The following PRKCB variants were observed in gnomAD, a reference collection of about 807,000 sequenced individuals.
PRKCB encodes protein kinase C beta type.
In PRKCB, 13 loss-of-function variants were observed where a neutral mutation model predicts 81.5. The observed-to-expected ratio is 0.16, with a 90% CI of 0.10 to 0.25. The LOEUF is 0.25. Ranked by LOEUF, PRKCB falls within the 10% of genes least tolerant of loss-of-function variation. The pLI is 1.00. For missense variants in PRKCB, 509 were observed against 875.7 expected, an observed-to-expected ratio of 0.58 and a Z score of 5.29; for synonymous variants, 335 against 321.4, an observed-to-expected ratio of 1.04 and a Z score of -0.45.
At chr16:23,860,626 C>T (rs1019656946) in intron 2 of PRKCB, among the ~76,000 whole-genome samples, 1 of 152,088 alleles carries the variant, frequency 6.6e-6, no homozygotes, top group Admixed American at 6.5e-5. Flanking sequence ...TGGCTCACAC[C>T]TGTAATCCCA....
chr16:23,974,360 A>G (rs1429638651), intron 2 of PRKCB, among the ~76,000 whole-genome samples: 3 of 152,130 alleles, frequency 2.0e-5, no homozygotes, highest in Non-Finnish European at 4.4e-5. Flanking sequence ...AGTCCCTTGG[A>G]TTGACAAGAT....
chr16:23,907,513 G>T (rs140363209), intron 2 of PRKCB, among the ~76,000 whole-genome samples: 4 of 152,330 alleles, frequency 2.6e-5, no homozygotes, highest in Non-Finnish European at 5.9e-5. Flanking sequence ...CAATCCTCTT[G>T]CCTAGGCCTC....
chr16:24,082,132 G>A (rs958025049), intron 5 of PRKCB, among the ~76,000 whole-genome samples: 2 of 151,926 alleles, frequency 1.3e-5, no homozygotes, highest in African/African-American at 4.8e-5. Flanking sequence ...CAAAACAAAG[G>A]AAATATTTAG....
intron 7 of PRKCB, among the ~76,000 whole-genome samples, chr16:24,110,110 G>GGAAAGAGA (rs1460015608): frequency 3.1e-4 from 35 of 112,070 alleles, no homozygotes; most frequent in African/African-American, 1.7e-3. Context: ...GGGAGACCGT[G>GGAAAGAGA]GGGAGAGGGA....
chr16:24,030,279 G>C (rs1475522046), intron 3 of PRKCB, among the ~76,000 whole-genome samples: 7 of 152,108 alleles, frequency 4.6e-5, no homozygotes, highest in Non-Finnish European at 7.4e-5. Flanking sequence ...AGAATCTCTT[G>C]AAGAAGAAAG....
At chr16:24,060,969 T>C (rs1210149345) in intron 5 of PRKCB, among the ~76,000 whole-genome samples, 1 of 152,240 alleles carries the variant, frequency 6.6e-6, no homozygotes, top group African/African-American at 2.4e-5. Flanking sequence ...ATCTTTTCTC[T>C]AAAATATAAG....
chr16:23,975,864 A>G (rs762275379), intron 2 of PRKCB, among the ~76,000 whole-genome samples: 1 of 127,996 alleles, frequency 7.8e-6, no homozygotes, highest in Non-Finnish European at 1.8e-5. Flanking sequence ...CACAAGAGAC[A>G]AAAAAAACAA....
At chr16:23,935,170 G>A (rs544361120) in intron 2 of PRKCB, among the ~76,000 whole-genome samples, 2 of 152,202 alleles carry the variant, frequency 1.3e-5, no homozygotes, top group South Asian at 2.1e-4. Flanking sequence ...AGTGATCTGG[G>A]GATCTTTTAA....
chr16:23,967,987 T>G lies in PRKCB; in HGVS notation c.206-20521T>G, dbSNP rs28620061. ...GTGTCTTTGAAGTGCTTGTTTAAAT[T>G]TACATGTGGTTGCCTCTCAGTGGGG... is the stretch of plus-strand genomic sequence containing the variant. On this transcript the variant is annotated intron_variant, in intron 2 of 16. Transcript: ENST00000643927. Among the ~76,000 whole-genome samples the G allele has an allele frequency of 4.7e-3, 715 of 152,280 alleles. 6 individuals are homozygous for G. Among genetic ancestry groups the G allele is most frequent in the African/African-American group, 0.016 (664 of 41,568 alleles).
chr16:24,080,070 T>G lies in PRKCB; in HGVS notation c.530-12721T>G, dbSNP rs960439088. Among the ~76,000 whole-genome samples, 3 of 152,146 alleles carry G rather than the reference T, an allele frequency of 2.0e-5. No individual in the cohort carries two copies. The East Asian group carries it at 5.8e-4, about 29-fold the overall frequency. On this transcript the variant is annotated intron_variant, in intron 5 of 16. Transcript: ENST00000643927. ...TTATGAAAGATTTTTGTTTGAAGAG[T>G]GTGCGATCGGTTTCTAGCTTTTGAA...
chr16:24,124,616 G>A (rs1966839476), intron 9 of PRKCB, among the ~76,000 whole-genome samples: 1 of 152,174 alleles, frequency 6.6e-6, no homozygotes, highest in South Asian at 2.1e-4. Flanking sequence ...CGCTTTTATA[G>A]ATACTGCGAG....
intron 2 of PRKCB, among the ~76,000 whole-genome samples, chr16:23,940,301 T>C (rs1428626571): frequency 6.6e-6 from 1 of 152,092 alleles, no homozygotes; most frequent in Non-Finnish European, 1.5e-5. Context: ...TTTTAAAACA[T>C]GCCAACTGCC....
chr16:24,034,661 C>T (rs1432023433), intron 4 of PRKCB, among the ~76,000 whole-genome samples: 1 of 152,234 alleles, frequency 6.6e-6, no homozygotes, highest in African/African-American at 2.4e-5. Flanking sequence ...GCCCAGACCC[C>T]CTCTTCATGG....
chr16:24,056,939 G>A (rs926380945), intron 5 of PRKCB, among the ~76,000 whole-genome samples: 5 of 152,162 alleles, frequency 3.3e-5, no homozygotes, highest in Admixed American at 6.5e-5. Flanking sequence ...TCTTGGGCCC[G>A]TGGTGCATGC....
chr16:24,094,297 GGTAA>G lies in PRKCB; in HGVS notation c.821+6_821+9del. 1 of 1,613,658 alleles carries G rather than the reference GGTAA, an allele frequency of 6.2e-7. No individual in the cohort carries two copies. Among genetic ancestry groups the G allele is most frequent in the South Asian group, 1.1e-5 (1 of 91,024 alleles). On this transcript the variant is annotated splice_donor_variant and splice_donor_region_variant and intron_variant, in intron 7 of 16. Coordinates refer to ENST00000643927, the MANE Select transcript of PRKCB (RefSeq NM_002738.7). LOFTEE classifies it high-confidence loss of function. ...CTTCAGAAAGCCAGTGTTGATGGCT[GGTAA>G]GTAAGATTTTGCCTTGAAAGCTACC...
intron 10 of PRKCB, among the ~76,000 whole-genome samples, chr16:24,161,925 C>T (rs997689755): frequency 1.3e-5 from 2 of 152,082 alleles, no homozygotes; most frequent in Admixed American, 6.5e-5. Flanking sequence ...ATTGTCAGCC[C>T]GGCACATTCA....
In PRKCB at chr16:23,928,283, G is replaced by A. The variant is rs570939739; in HGVS notation, c.206-60225G>A. Among the ~76,000 whole-genome samples, 25 of 151,922 alleles carry A rather than the reference G, an allele frequency of 1.6e-4. No individual in the cohort carries two copies. The East Asian group carries it at 4.8e-3, about 29-fold the overall frequency. ...TGGGATTATAGATGCCCACGACCATGCCCGGCTAATTTTTTTGTATTTTTA... is the reference window on the plus strand; with the variant it reads ...TGGGATTATAGATGCCCACGACCATACCCGGCTAATTTTTTTGTATTTTTA... On this transcript the variant is annotated intron_variant, in intron 2 of 16. Coordinates refer to ENST00000643927, the MANE Select transcript of PRKCB (RefSeq NM_002738.7).
chr16:23,979,149 G>A (rs991355916), intron 2 of PRKCB, among the ~76,000 whole-genome samples: 1 of 152,174 alleles, frequency 6.6e-6, no homozygotes, highest in Admixed American at 6.5e-5. Flanking sequence ...ACAACTCTAT[G>A]AGGAAAGTAC....
At chr16:24,090,337 T>C (rs568557060) in intron 5 of PRKCB, among the ~76,000 whole-genome samples, 8 of 152,344 alleles carry the variant, frequency 5.3e-5, no homozygotes, top group African/African-American at 1.7e-4. Context: ...GATTCAATGC[T>C]TCTCCCATCT....
Sources: gnomAD v4.1 joint callset for allele counts (sites outside exome capture counted in the v4.1 genomes callset) on GRCh38, gnomAD v4.1.1 for gene constraint, MANE v1.5 for transcripts, NCBI Gene and HGNC (gene_info 2026-07-23, HGNC 2026-07-21) for gene names.